The following RAB22A variants were observed in gnomAD, a reference collection of about 807,000 sequenced individuals.
RAB22A encodes the protein ras-related protein Rab-22A.
A neutral mutation model predicts 30.2 loss-of-function variants in RAB22A; 13 were observed. That is an observed-to-expected ratio of 0.43 (90% CI 0.28 to 0.68). The LOEUF is 0.68. Among genes scored for constraint, RAB22A ranks in the 30% least tolerant of loss-of-function variants. The pLI, the probability that RAB22A is intolerant of heterozygous loss-of-function variation, is 0.18. For missense variants in RAB22A, 177 were observed against 246.8 expected, an observed-to-expected ratio of 0.72 and a Z score of 1.89; for synonymous variants, 89 against 87.2, an observed-to-expected ratio of 1.02 and a Z score of -0.11.
intron 2 of RAB22A, among the ~76,000 whole-genome samples, chr20:58,311,986 G>T (rs775120777): frequency 2.0e-5 from 3 of 152,086 alleles, no homozygotes; most frequent in Non-Finnish European, 2.9e-5. Flanking sequence ...ACAGAGTTTC[G>T]CTCTTTTTGC....
intron 6 of RAB22A, among the ~76,000 whole-genome samples, chr20:58,357,563 CCTCTT>C (rs1987152318): frequency 6.6e-6 from 1 of 152,084 alleles, no homozygotes; most frequent in Non-Finnish European, 1.5e-5. Context: ...AAAATATTCT[CCTCTT>C]ATTTCTTTTA....
Position 58,361,893 on chromosome 20 carries a change from T to C in RAB22A, c.*2190T>C, listed in dbSNP as rs1987233598. 2.0e-5 allele frequency: 3 copies of C among 152,338 alleles called. No homozygotes were observed. The South Asian group carries it at 6.2e-4, about 32-fold the overall frequency. 9.4% of individuals were successfully genotyped at this position (152,338 alleles called of 1,614,324 possible). A position where few individuals can be genotyped will look rare whatever the true frequency, so the allele number is the denominator to read the frequency against. ...CAAGGTCTTCTGAGCTCATCTTAACTGGTGAGGCATCTGGATGTGTCTGAT... is the reference window on the plus strand; with the variant it reads ...CAAGGTCTTCTGAGCTCATCTTAACCGGTGAGGCATCTGGATGTGTCTGAT... On this transcript the variant is annotated 3_prime_UTR_variant, in exon 7 of 7. Coordinates refer to ENST00000244040, the MANE Select transcript of RAB22A (RefSeq NM_020673.3).
intron 2 of RAB22A, among the ~76,000 whole-genome samples, chr20:58,316,854 G>A (rs7275162): frequency 0.046 from 6,987 of 152,092 alleles, 214 homozygotes; most frequent in African/African-American, 0.085. Flanking sequence ...CTGTCCTCAG[G>A]TACTCAAGCC....
At chr20:58,348,764 A>C (rs1409919083) in intron 3 of RAB22A, among the ~76,000 whole-genome samples, 1 of 151,010 alleles carries the variant, frequency 6.6e-6, no homozygotes, top group South Asian at 2.1e-4. Flanking sequence ...GGCTGCATAT[A>C]AAATACACCA....
intron 2 of RAB22A, among the ~76,000 whole-genome samples, chr20:58,342,861 C>T (rs1005192818): frequency 1.3e-5 from 2 of 152,058 alleles, no homozygotes; most frequent in Admixed American, 6.5e-5. Context: ...GGCAAGAATC[C>T]TGAACCTGTG....
intron 2 of RAB22A, among the ~76,000 whole-genome samples, chr20:58,315,763 C>A (rs1174498382): frequency 6.6e-6 from 1 of 152,086 alleles, no homozygotes; most frequent in Non-Finnish European, 1.5e-5. Flanking sequence ...GGACTCCTTC[C>A]CATCCTCACA....
intron 3 of RAB22A, among the ~76,000 whole-genome samples, chr20:58,344,478 C>T (rs958401855): frequency 1.3e-5 from 2 of 151,980 alleles, no homozygotes; most frequent in South Asian, 2.1e-4. Context: ...TGCCTCCTCC[C>T]CTTTGCTCTG....
intron 2 of RAB22A, 74 bp downstream of exon 2, chr20:58,311,196 G>A: frequency 7.5e-7 from 1 of 1,335,846 alleles, no homozygotes; most frequent in Non-Finnish European, 1.1e-6. Context: ...TGTTACAGGT[G>A]TAGGCCCTGC....
At chr20:58,347,747 T>A (rs1986976529) in intron 3 of RAB22A, among the ~76,000 whole-genome samples, 1 of 152,250 alleles carries the variant, frequency 6.6e-6, no homozygotes, top group Non-Finnish European at 1.5e-5. Context: ...TTTGTCCCTA[T>A]TATTTGCTAT....
At chr20:58,335,908 G>A (rs578014677) in intron 2 of RAB22A, among the ~76,000 whole-genome samples, 2 of 152,282 alleles carry the variant, frequency 1.3e-5, no homozygotes, top group African/African-American at 4.8e-5. Context: ...TTAGTCTTAA[G>A]TTGTCCCTTT....
chr20:58,329,513 T>G (rs949992486), intron 2 of RAB22A, among the ~76,000 whole-genome samples: 5 of 152,228 alleles, frequency 3.3e-5, no homozygotes, highest in African/African-American at 1.2e-4. Context: ...TGCCTTTTCA[T>G]TCTCTGGCTG....
intron 2 of RAB22A, 77 bp from the exon 3 acceptor site, chr20:58,343,641 C>A: frequency 1.8e-6 from 2 of 1,134,004 alleles, no homozygotes; most frequent in South Asian, 2.6e-5. Context: ...TTGGTTGAGT[C>A]TAAGTGATGT....
At chr20:58,310,949 T>C in intron 1 of RAB22A, 94 bp from the exon 2 acceptor site, 1 of 1,054,036 alleles carries the variant, frequency 9.5e-7, no homozygotes, top group Non-Finnish European at 1.5e-6. Flanking sequence ...TCTAGGGTGA[T>C]TTTTCTAAAA....
rs560429799 is a variant in RAB22A at position 58,329,147 on chromosome 20, G to T, written c.117-14571G>T. 5.3e-5 allele frequency among the ~76,000 whole-genome samples: 8 copies of T among 150,794 alleles called. No individual in the cohort carries two copies. The East Asian group carries it at 1.6e-3, about 30-fold the overall frequency. On this transcript the variant is annotated intron_variant, in intron 2 of 6. Transcript: ENST00000244040. The stretch of plus-strand genomic sequence containing the variant: ...CGGCTCACTGCAAGCTCCCCGTCCT[G>T]GGTTCACACTGTTCTCCTGCCTCAG...
chr20:58,321,243 A>C (rs1986453719), intron 2 of RAB22A, among the ~76,000 whole-genome samples: 1 of 151,950 alleles, frequency 6.6e-6, no homozygotes, highest in African/African-American at 2.4e-5. Context: ...AGGCACCTGT[A>C]ATCTCAGCTA....
In RAB22A at chr20:58,343,819, ACT is replaced by A. The variant is rs772653521; in HGVS notation, c.198+23_198+24del. The stretch of plus-strand genomic sequence containing the variant: ...GAACGAGTAAGTCACTCTTTAATTT[ACT>A]CTGTTTTTCTGAGGCCCAAATGAAA... On this transcript the variant is annotated intron_variant, in intron 3 of 6. Coordinates refer to ENST00000244040, the MANE Select transcript of RAB22A (RefSeq NM_020673.3). 20 of 1,568,472 alleles carry A rather than the reference ACT, an allele frequency of 1.3e-5. No individual in the cohort carries two copies. Among genetic ancestry groups the A allele is most frequent in the Non-Finnish European group, 1.8e-6 (2 of 1,139,590 alleles).
At chr20:58,310,902 A>C in intron 1 of RAB22A, 141 bp from the exon 2 acceptor site, 1 of 690,288 alleles carries the variant, frequency 1.4e-6, no homozygotes, top group Admixed American at 2.6e-5. Flanking sequence ...TTTTATGACA[A>C]CCGCTTTTGT....
chr20:58,330,882 C>T lies in RAB22A; in HGVS notation c.117-12836C>T, dbSNP rs1459911626. On this transcript the variant is annotated intron_variant, in intron 2 of 6. Transcript: ENST00000244040. ...CTGTCCATTGGACTCCTTGGCATCTCCCCAGTTGCATGTGCAATTATAGGA... is the reference window on the plus strand; with the variant it reads ...CTGTCCATTGGACTCCTTGGCATCTTCCCAGTTGCATGTGCAATTATAGGA... Among the ~76,000 whole-genome samples, 4 of 152,320 alleles carry T rather than the reference C, an allele frequency of 2.6e-5. No homozygotes were observed. In the East Asian group the frequency reaches 7.7e-4, roughly 29 times the overall value.
chr20:58,322,318 A>G (rs752566207), intron 2 of RAB22A, among the ~76,000 whole-genome samples: 2 of 152,152 alleles, frequency 1.3e-5, no homozygotes, highest in Non-Finnish European at 2.9e-5. Flanking sequence ...CTCTGCTTTT[A>G]TATCTAATCT....
Sources: gnomAD v4.1 joint callset for allele counts (sites outside exome capture counted in the v4.1 genomes callset) on GRCh38, gnomAD v4.1.1 for gene constraint, MANE v1.5 for transcripts, NCBI Gene and HGNC (gene_info 2026-07-23, HGNC 2026-07-21) for gene names.